The following CDH1 variants were observed in gnomAD, a reference collection of about 807,000 sequenced individuals.
CDH1 encodes cadherin-1.
In CDH1, 35 loss-of-function variants were observed where a neutral mutation model predicts 84.5. The observed-to-expected ratio is 0.41, with a 90% CI of 0.32 to 0.55. The LOEUF (loss-of-function observed/expected upper bound fraction) is 0.55. Ranked by LOEUF, CDH1 falls within the 20% of genes least tolerant of loss-of-function variation. CDH1 has a pLI of 0.19. For missense variants in CDH1, 994 were observed against 1,126.6 expected, an observed-to-expected ratio of 0.88 and a Z score of 1.68; for synonymous variants, 417 against 439.0, an observed-to-expected ratio of 0.95 and a Z score of 0.63.
rs554741854 is a variant in CDH1 at position 68,808,673 on chromosome 16, T to C, written c.532-20T>C. The C allele has an allele frequency of 3.1e-6, 5 of 1,614,068 alleles. No homozygotes were observed. The South Asian group carries it at 5.5e-5, about 18-fold the overall frequency. ...TGGGATCCTTCTTTACTAATTCTTT[T>C]TCTTTCATTTTGTCTTCAGATCAAA... On this transcript the variant is annotated intron_variant, in intron 4 of 15. Transcript: ENST00000261769.
chr16:68,752,779 C>T (rs1442858721), intron 2 of CDH1, among the ~76,000 whole-genome samples: 1 of 152,102 alleles, frequency 6.6e-6, no homozygotes, highest in Non-Finnish European at 1.5e-5. Flanking sequence ...TCAGATGAGC[C>T]ATTTCTACCC....
chr16:68,783,150 A>G (rs1040063706), intron 2 of CDH1, among the ~76,000 whole-genome samples: 1 of 152,024 alleles, frequency 6.6e-6, no homozygotes, highest in African/African-American at 2.4e-5. Context: ...TAATCCTGGC[A>G]CTTTGGGAGG....
In CDH1 at chr16:68,747,384, C is replaced by T. The variant is rs146819869; in HGVS notation, c.163+8973C>T. ...GCCAGGGTACCTCTGGGCCTTGGGC[C>T]GTGGGTCATGGAGGGTTTTCTCTTT... On this transcript the variant is annotated intron_variant, in intron 2 of 15. Transcript: ENST00000261769. 7.9e-5 allele frequency among the ~76,000 whole-genome samples: 12 copies of T among 152,076 alleles called. No individual in the cohort carries two copies. In the South Asian group the frequency reaches 1.5e-3, roughly 19 times the overall value.
intron 2 of CDH1, among the ~76,000 whole-genome samples, chr16:68,766,039 C>A (rs1032801489): frequency 6.6e-6 from 1 of 152,118 alleles, no homozygotes; most frequent in Admixed American, 6.6e-5. Context: ...GCAGGCGAAT[C>A]ATGAGGTCAG....
At chr16:68,743,076 GGT>G (rs1369536201) in intron 2 of CDH1, among the ~76,000 whole-genome samples, 1 of 152,182 alleles carries the variant, frequency 6.6e-6, no homozygotes, top group Non-Finnish European at 1.5e-5. Context: ...CTCTCTGCCA[GGT>G]GGTTATGGAA....
intron 15 of CDH1, among the ~76,000 whole-genome samples, 156 bp downstream of exon 15, chr16:68,829,953 C>CTT (rs67262350): frequency 2.5e-3 from 259 of 102,202 alleles, no homozygotes; most frequent in African/African-American, 0.012. Context: ...CTTTTTTTTT[C>CTT]TTTTTCTTTT....
intron 2 of CDH1, among the ~76,000 whole-genome samples, chr16:68,770,261 C>A: frequency 6.6e-6 from 1 of 152,118 alleles, no homozygotes; most frequent in East Asian, 1.9e-4. Flanking sequence ...CTGGGCCTGT[C>A]TTCCACAAGA....
intron 2 of CDH1, among the ~76,000 whole-genome samples, chr16:68,759,942 T>A (rs1389595262): frequency 6.6e-6 from 1 of 152,126 alleles, no homozygotes; most frequent in Non-Finnish European, 1.5e-5. Flanking sequence ...TCCATCACTT[T>A]GGCCTAGAAA....
At chr16:68,790,714 G>C (rs1309784910) in intron 2 of CDH1, among the ~76,000 whole-genome samples, 1 of 152,090 alleles carries the variant, frequency 6.6e-6, no homozygotes, top group Non-Finnish European at 1.5e-5. Flanking sequence ...CCCTCTTCTT[G>C]AAAACAAATT....
intron 9 of CDH1, among the ~76,000 whole-genome samples, chr16:68,814,781 G>T (rs1019171164): frequency 6.6e-6 from 1 of 152,032 alleles, no homozygotes; most frequent in Non-Finnish European, 1.5e-5. Flanking sequence ...CTAGCCAAGC[G>T]CAGTAGTGTA....
intron 2 of CDH1, among the ~76,000 whole-genome samples, chr16:68,799,559 C>T (rs1441388154): frequency 6.6e-6 from 1 of 152,134 alleles, no homozygotes; most frequent in East Asian, 1.9e-4. Context: ...ATAATCAGCC[C>T]AGGGGATCAG....
rs538815738 is a variant in CDH1 at position 68,773,355 on chromosome 16, G to C, written c.164-28315G>C. 3.3e-5 allele frequency among the ~76,000 whole-genome samples: 5 copies of C among 149,786 alleles called. No homozygotes were observed. In the East Asian group the frequency reaches 9.8e-4, roughly 29 times the overall value. ...TCTGTCACCCAGGCTGGAATGCAGT[G>C]GCACAATCTTGGCTCACTGCAACTT... On this transcript the variant is annotated intron_variant, in intron 2 of 15. Transcript: ENST00000261769.
intron 3 of CDH1, among the ~76,000 whole-genome samples, chr16:68,807,928 C>T (rs1204293223): frequency 6.6e-6 from 1 of 152,012 alleles, no homozygotes; most frequent in Non-Finnish European, 1.5e-5. Flanking sequence ...AAAAATTAGT[C>T]AGCCATGGTG....
intron 15 of CDH1, among the ~76,000 whole-genome samples, chr16:68,832,020 A>G (rs1199347100): frequency 6.6e-6 from 1 of 152,132 alleles, no homozygotes; most frequent in African/African-American, 2.4e-5. Context: ...ATCCTTAGCA[A>G]ACTAATGCAG....
intron 2 of CDH1, among the ~76,000 whole-genome samples, chr16:68,791,569 C>T (rs1464954009): frequency 2.6e-5 from 4 of 151,882 alleles, no homozygotes; most frequent in African/African-American, 9.7e-5. Flanking sequence ...ACTATAGACA[C>T]GCGCCACCAC....
chr16:68,811,958 T>G, intron 7 of CDH1, 99 bp downstream of exon 7: 1 of 1,475,258 alleles, frequency 6.8e-7, no homozygotes, highest in Non-Finnish European at 9.4e-7. Flanking sequence ...TGTCAGTTAA[T>G]ACAGTGATGG....
In CDH1 at chr16:68,757,733, CTTTCTTTCTCTCTCTCTT is replaced by C. The variant is rs537175391; in HGVS notation, c.163+19340_163+19357del. Among the ~76,000 whole-genome samples the C allele has an allele frequency of 3.4e-3, 517 of 151,834 alleles. 1 individual carries two copies. Among genetic ancestry groups the C allele is most frequent in the Admixed American group, 6.6e-3 (100 of 15,192 alleles). ...ATTTTGGGCAAGTTTCTTTCTCTTT[CTTTCTTTCTCTCTCTCTT>C]TTTCTTTCTCTCTCTCTCCTTCCTT... On this transcript the variant is annotated intron_variant, in intron 2 of 15. Coordinates refer to ENST00000261769, the MANE Select transcript of CDH1 (RefSeq NM_004360.5).
At chr16:68,779,450 C>T (rs1463008611) in intron 2 of CDH1, among the ~76,000 whole-genome samples, 1 of 152,228 alleles carries the variant, frequency 6.6e-6, no homozygotes, top group Admixed American at 6.5e-5. Flanking sequence ...AATCCCTTAC[C>T]ACTGTGAGTA....
At chr16:68,802,791 A>G (rs987170800) in intron 3 of CDH1, among the ~76,000 whole-genome samples, 1 of 152,030 alleles carries the variant, frequency 6.6e-6, no homozygotes, top group African/African-American at 2.4e-5. Context: ...TTCTCTGATC[A>G]TTTTGCTTTT....
Sources: allele counts gnomAD v4.1 joint callset (sites outside exome capture counted in the v4.1 genomes callset), GRCh38; gene constraint gnomAD v4.1.1; transcripts MANE v1.5; gene names NCBI Gene and HGNC (gene_info 2026-07-23, HGNC 2026-07-21).